GRAMD1B: variants seen among roughly 807,000 people sequenced by gnomAD.
The protein encoded by GRAMD1B is GRAM domain containing 1B, also known as protein Aster-B.
A neutral mutation model predicts 99.7 loss-of-function variants in GRAMD1B; 37 were observed. The ratio of observed to expected loss-of-function variants is 0.37; its 90% CI spans 0.29 to 0.49. The LOEUF (loss-of-function observed/expected upper bound fraction) is 0.49. Among genes scored for constraint, GRAMD1B ranks in the 20% least tolerant of loss-of-function variants. The pLI is 0.98. For synonymous variants in GRAMD1B, 427 were observed against 387.6 expected, an observed-to-expected ratio of 1.10 and a Z score of -1.19; for missense variants, 888 against 1,009.2, an observed-to-expected ratio of 0.88 and a Z score of 1.63.
intron 1 of GRAMD1B, among the ~76,000 whole-genome samples, chr11:123,396,210 T>C (rs1947456014): frequency 7.0e-6 from 1 of 143,862 alleles, no homozygotes; most frequent in Non-Finnish European, 1.6e-5. Context: ...CTTTTTTTTT[T>C]TTAGATGGAA....
chr11:123,497,900 C>CAAA (rs34168499), intron 2 of GRAMD1B, among the ~76,000 whole-genome samples: 93 of 110,330 alleles, frequency 8.4e-4, no homozygotes, highest in African/African-American at 2.9e-3. Flanking sequence ...GAATCTGTCT[C>CAAA]AAAAAAAAAA....
rs917950779 is a variant in GRAMD1B at position 123,430,775 on chromosome 11, G to C, written c.-18G>C. 3 of 661,812 alleles carry C rather than the reference G, an allele frequency of 4.5e-6. No individual in the cohort carries two copies. Among genetic ancestry groups the C allele is most frequent in the Non-Finnish European group, 8.2e-6 (3 of 367,486 alleles). The allele number at this position is 661,812 out of a possible 1,614,324, so 41.0% of individuals were successfully genotyped here. ...CGCTGGCGGAGGGCTCAGGGGGAGCGCAGAGGCGACGGCCCCCATGCCGGC... is the reference window on the plus strand; with the variant it reads ...CGCTGGCGGAGGGCTCAGGGGGAGCCCAGAGGCGACGGCCCCCATGCCGGC... On this transcript the variant is annotated 5_prime_UTR_variant, in exon 1 of 20. Coordinates refer to ENST00000635736, the MANE Select transcript of GRAMD1B (RefSeq NM_001387025.1).
intron 1 of GRAMD1B, among the ~76,000 whole-genome samples, chr11:123,450,924 T>G (rs775475027): frequency 6.6e-6 from 1 of 152,058 alleles, no homozygotes; most frequent in Non-Finnish European, 1.5e-5. Context: ...CCCTTTATTA[T>G]CCAGTGTAAT....
rs1311845734 is a variant in GRAMD1B at position 123,434,248 on chromosome 11, A to C, written c.374+3082A>C. On this transcript the variant is annotated intron_variant, in intron 1 of 19. Coordinates refer to ENST00000635736, the MANE Select transcript of GRAMD1B (RefSeq NM_001387025.1). ...CCGTTTCCAAAAAAAAAAAAAAAAA[A>C]AAAAAACCACCACCAACAAAAAACA... Among the ~76,000 whole-genome samples, 4 of 150,210 alleles carry C rather than the reference A, an allele frequency of 2.7e-5. No individual in the cohort carries two copies. The East Asian group carries it at 5.8e-4, about 22-fold the overall frequency.
At chr11:123,574,765 G>A (rs763285) in intron 2 of GRAMD1B, among the ~76,000 whole-genome samples, 155 of 152,312 alleles carry the variant, frequency 1.0e-3, no homozygotes, top group Non-Finnish European at 2.0e-3. Flanking sequence ...TCAGGCTAGC[G>A]ACTGTGACCA....
rs1309914046 is a variant in GRAMD1B at position 123,508,796 on chromosome 11, C to T, written c.452+27903C>T. On this transcript the variant is annotated intron_variant, in intron 2 of 19. Transcript: ENST00000635736. ...TGCCTACTTGGTTCAAGTGATTCTC[C>T]TGCCTCAGCCTCCCAAGTAGCTGGG... Among the ~76,000 whole-genome samples the T allele has an allele frequency of 2.6e-5, 4 of 152,072 alleles. No homozygotes were observed. The East Asian group carries it at 7.7e-4, about 29-fold the overall frequency.
At chr11:123,368,275 A>AGAAAG (rs746890856) in intron 1 of GRAMD1B, among the ~76,000 whole-genome samples, 58 of 127,142 alleles carry the variant, frequency 4.6e-4, no homozygotes, top group African/African-American at 2.0e-3. Flanking sequence ...AAAAAAAAAA[A>AGAAAG]AAAGAAAGAA....
chr11:123,435,531 CA>C, intron 1 of GRAMD1B: 2 of 686,948 alleles, frequency 2.9e-6, no homozygotes, highest in South Asian at 3.0e-5. Flanking sequence ...AGAAGTGGAA[CA>C]AATGGTAAAG....
intron 1 of GRAMD1B, among the ~76,000 whole-genome samples, chr11:123,409,299 G>T (rs1392169458): frequency 6.6e-6 from 1 of 152,142 alleles, no homozygotes; most frequent in Non-Finnish European, 1.5e-5. Context: ...CTACAAAGTA[G>T]CATCCCACCT....
chr11:123,454,183 C>T (rs1313344347), intron 1 of GRAMD1B, among the ~76,000 whole-genome samples: 1 of 152,224 alleles, frequency 6.6e-6, no homozygotes, highest in African/African-American at 2.4e-5. Context: ...CATGATAATA[C>T]CTACCTTGAA....
chr11:123,376,018 C>T (rs1946680205), intron 1 of GRAMD1B, among the ~76,000 whole-genome samples: 1 of 151,980 alleles, frequency 6.6e-6, no homozygotes. Flanking sequence ...GGTCAGCAGC[C>T]TCTTCTCTTA....
Position 123,538,591 on chromosome 11 carries a change from T to C in GRAMD1B, c.453-38776T>C, listed in dbSNP as rs543152531. ...TCTAGGCAACCACTTTCTATTTCTG[T>C]AGATTTCCCTATTCTGGACTTTATT... On this transcript the variant is annotated intron_variant, in intron 2 of 19. Coordinates refer to ENST00000635736, the MANE Select transcript of GRAMD1B (RefSeq NM_001387025.1). 1.3e-4 allele frequency among the ~76,000 whole-genome samples: 20 copies of C among 152,158 alleles called. No individual in the cohort carries two copies. In the East Asian group the frequency reaches 3.9e-3, roughly 29 times the overall value.
intron 2 of GRAMD1B, among the ~76,000 whole-genome samples, chr11:123,523,453 C>T (rs1458310466): frequency 6.6e-6 from 1 of 152,052 alleles, no homozygotes; most frequent in African/African-American, 2.4e-5. Flanking sequence ...AGGCAAAATG[C>T]TTAGCTTGAT....
At chr11:123,507,130 A>ATAC (rs569027226) in intron 2 of GRAMD1B, among the ~76,000 whole-genome samples, 104 of 152,322 alleles carry the variant, frequency 6.8e-4, no homozygotes, top group Non-Finnish European at 1.3e-3. Flanking sequence ...TTCTCCATGG[A>ATAC]TACTAGCCTT....
intron 1 of GRAMD1B, among the ~76,000 whole-genome samples, chr11:123,466,080 A>G (rs976238608): frequency 6.6e-6 from 1 of 152,126 alleles, no homozygotes; most frequent in African/African-American, 2.4e-5. Flanking sequence ...GTTCAAGACC[A>G]GCCTGGCCAA....
intron 2 of GRAMD1B, among the ~76,000 whole-genome samples, chr11:123,506,373 C>T (rs1940426608): frequency 6.6e-6 from 1 of 152,138 alleles, no homozygotes; most frequent in Non-Finnish European, 1.5e-5. Context: ...CTCACTCCAG[C>T]CTCTTTTCAA....
intron 2 of GRAMD1B, among the ~76,000 whole-genome samples, chr11:123,493,726 G>T (rs1039042604): frequency 6.6e-6 from 1 of 152,216 alleles, no homozygotes; most frequent in Non-Finnish European, 1.5e-5. Flanking sequence ...ATTAAATTCT[G>T]CAGTGGAAGT....
chr11:123,622,599 G>A lies in GRAMD1B; in HGVS notation c.*4G>A, dbSNP rs371729209. 1.3e-4 allele frequency: 198 copies of A among 1,517,754 alleles called. No individual in the cohort carries two copies. The highest frequency in any genetic ancestry group is 1.6e-4 in the Non-Finnish European group (182 of 1,117,256). The allele number at this position is 1,517,754 out of a possible 1,614,324, so 94.0% of individuals were successfully genotyped here. ...AAAGAGGAATCGCTATCATTGACAA[G>A]GCAGGAACAGGGTGGCTGCAAGAGG... On this transcript the variant is annotated 3_prime_UTR_variant, in exon 20 of 20. Coordinates refer to ENST00000635736, the MANE Select transcript of GRAMD1B (RefSeq NM_001387025.1).
chr11:123,624,879 T>G lies in GRAMD1B; in HGVS notation c.*2284T>G, dbSNP rs368340107. On this transcript the variant is annotated 3_prime_UTR_variant, in exon 20 of 20. Coordinates refer to ENST00000635736, the MANE Select transcript of GRAMD1B (RefSeq NM_001387025.1). ...GCAGGGAGTTGTTCTGCTTCTGCTT[T>G]ACCTCTCAGGACCATTCCCAGGAGG... 2.0e-5 allele frequency: 3 copies of G among 152,316 alleles called. No homozygotes were observed. Among genetic ancestry groups the G allele is most frequent in the East Asian group, 3.9e-4 (2 of 5,188 alleles). 9.4% of individuals were successfully genotyped at this position (152,316 alleles called of 1,614,324 possible).
Sources: gnomAD v4.1 joint callset for allele counts (sites outside exome capture counted in the v4.1 genomes callset) on GRCh38, gnomAD v4.1.1 for gene constraint, MANE v1.5 for transcripts, NCBI Gene and HGNC (gene_info 2026-07-23, HGNC 2026-07-21) for gene names.